Variants in NAV2 observed in about 807,000 individuals in gnomAD.
The protein encoded by NAV2 is neuron navigator 2, also known as helicase, APC down-regulated 1.
In NAV2, 54 loss-of-function variants were observed where a neutral mutation model predicts 223.2. That is an observed-to-expected ratio of 0.24 (90% CI 0.19 to 0.30). The LOEUF is 0.30. Ranked by LOEUF, NAV2 falls within the 10% of genes least tolerant of loss-of-function variation. The pLI is 1.00. For missense variants in NAV2, 2,806 were observed against 3,147.5 expected (o/e 0.89, Z 2.60); for synonymous variants, 1,279 against 1,239.3 (o/e 1.03, Z -0.67).
chr11:19,853,714 T>C (rs1375942336), intron 3 of NAV2, among the ~76,000 whole-genome samples: 2 of 152,074 alleles, frequency 1.3e-5, no homozygotes, highest in Non-Finnish European at 2.9e-5. Flanking sequence ...GAGTTTGAGA[T>C]GCCTTCTCTA....
chr11:19,436,274 AT>A (rs1438874544), intron 1 of NAV2, among the ~76,000 whole-genome samples: 1 of 152,162 alleles, frequency 6.6e-6, no homozygotes, highest in Non-Finnish European at 1.5e-5. Flanking sequence ...CAAGAATTTA[AT>A]TTCATTATTC....
chr11:19,536,949 C>A (rs1050548243), intron 1 of NAV2, among the ~76,000 whole-genome samples: 2 of 152,158 alleles, frequency 1.3e-5, no homozygotes, highest in African/African-American at 4.8e-5. Flanking sequence ...AGCATGGTAA[C>A]TGGTTATTTA....
intron 1 of NAV2, among the ~76,000 whole-genome samples, chr11:19,421,138 T>A (rs1014853772): frequency 3.9e-5 from 6 of 152,214 alleles, no homozygotes; most frequent in Admixed American, 1.3e-4. Context: ...TGCCTTTCCC[T>A]TCTCTCCATC....
chr11:19,846,998 G>A (rs1426734363), intron 3 of NAV2, among the ~76,000 whole-genome samples: 1 of 152,122 alleles, frequency 6.6e-6, no homozygotes, highest in African/African-American at 2.4e-5. Flanking sequence ...CATCCCCTTG[G>A]CCCTTAAATA....
At chr11:19,942,841 G>A (rs2046515107) in intron 8 of NAV2, among the ~76,000 whole-genome samples, 1 of 152,150 alleles carries the variant, frequency 6.6e-6, no homozygotes, top group Admixed American at 6.5e-5. Context: ...AAATTAGCCA[G>A]GCATGGTGGT....
intron 1 of NAV2, among the ~76,000 whole-genome samples, chr11:19,761,365 T>C (rs1158446803): frequency 4.6e-5 from 7 of 152,222 alleles, no homozygotes; most frequent in Non-Finnish European, 8.8e-5. Flanking sequence ...AATAAGTTTA[T>C]TTCAGTGAGC....
intron 1 of NAV2, among the ~76,000 whole-genome samples, chr11:19,369,903 A>G (rs925174652): frequency 6.6e-6 from 1 of 152,184 alleles, no homozygotes; most frequent in Non-Finnish European, 1.5e-5. Flanking sequence ...CTTTTGAATC[A>G]AGTGGCTCTA....
intron 1 of NAV2, among the ~76,000 whole-genome samples, chr11:19,440,618 G>T (rs980910950): frequency 6.6e-6 from 1 of 152,208 alleles, no homozygotes; most frequent in Admixed American, 6.5e-5. Flanking sequence ...AGTACTGACT[G>T]TGTTAGGTTA....
chr11:20,070,012 T>A (rs890091606), intron 22 of NAV2, among the ~76,000 whole-genome samples: 3 of 152,180 alleles, frequency 2.0e-5, no homozygotes, highest in Admixed American at 2.0e-4. Flanking sequence ...TTGATTTTTT[T>A]AAAAACCCTA....
intron 1 of NAV2, among the ~76,000 whole-genome samples, chr11:19,480,512 C>T (rs891452850): frequency 1.3e-5 from 2 of 152,186 alleles, no homozygotes; most frequent in South Asian, 2.1e-4. Flanking sequence ...TGGTGGGAGC[C>T]GGTGCAGCCT....
intron 1 of NAV2, among the ~76,000 whole-genome samples, chr11:19,410,122 G>A (rs546575947): frequency 2.0e-5 from 3 of 152,164 alleles, no homozygotes; most frequent in Admixed American, 6.5e-5. Flanking sequence ...CCTGCTTCAG[G>A]GGGGCAGACA....
chr11:19,370,570 C>T (rs532965068), intron 1 of NAV2, among the ~76,000 whole-genome samples: 1 of 152,328 alleles, frequency 6.6e-6, no homozygotes, highest in Non-Finnish European at 1.5e-5. Context: ...ACAATTACAA[C>T]ATGGAATGGA....
At chr11:19,847,015 C>T (rs568362966) in intron 3 of NAV2, among the ~76,000 whole-genome samples, 5 of 152,174 alleles carry the variant, frequency 3.3e-5, no homozygotes, top group Non-Finnish European at 5.9e-5. Flanking sequence ...AATAAGTTTG[C>T]GTGTGTGCGT....
rs527635968 is a variant in NAV2 at position 19,575,652 on chromosome 11, T to G, written c.75+224625T>G. 1.5e-4 allele frequency among the ~76,000 whole-genome samples: 23 copies of G among 152,356 alleles called. No individual in the cohort carries two copies. The South Asian group carries it at 4.8e-3, about 32-fold the overall frequency. ...ATTCACCTTTTCTTCCCCATTCTTC[T>G]AGTTTCTCTTTGCACATAAGCCCTT... On this transcript the variant is annotated intron_variant, in intron 1 of 37. Coordinates refer to the NAV2 transcript ENST00000360655.
chr11:19,553,716 G>A (rs573730190), intron 1 of NAV2, among the ~76,000 whole-genome samples: 10 of 152,246 alleles, frequency 6.6e-5, no homozygotes, highest in Admixed American at 3.3e-4. Context: ...TGGCATTGCC[G>A]AGATTGAATC....
chr11:19,784,464 G>A (rs2056967472), intron 1 of NAV2, among the ~76,000 whole-genome samples: 1 of 140,254 alleles, frequency 7.1e-6, no homozygotes, highest in Non-Finnish European at 1.5e-5. Context: ...AATAATAATA[G>A]TAATTATTAT....
chr11:19,477,197 T>A (rs78585094), intron 1 of NAV2, among the ~76,000 whole-genome samples: 199 of 152,306 alleles, frequency 1.3e-3, no homozygotes, highest in African/African-American at 4.3e-3. Flanking sequence ...TAAGCATTGA[T>A]GAGGGTATTG....
rs142531711 is a variant in NAV2, at chr11:19,441,226, C to G, written c.75+90199C>G. 1.4e-4 allele frequency among the ~76,000 whole-genome samples: 22 copies of G among 152,246 alleles called. No individual in the cohort carries two copies. The East Asian group carries it at 4.1e-3, about 28-fold the overall frequency. On this transcript the variant is annotated intron_variant, in intron 1 of 37. Transcript: ENST00000360655. Reference sequence around the variant, plus strand: ...AGTGTGGCTGGACCCTGGGGATCATCTAGGAGAATGGCTGGAGATGGATGG... The same window carrying G: ...AGTGTGGCTGGACCCTGGGGATCATGTAGGAGAATGGCTGGAGATGGATGG...
At chr11:20,030,812 G>A (rs2055646176) in intron 11 of NAV2, among the ~76,000 whole-genome samples, 2 of 152,142 alleles carry the variant, frequency 1.3e-5, no homozygotes. Context: ...CAGCTTAAAA[G>A]TCTCAAGTAA....
Sources: allele counts gnomAD v4.1 joint callset (sites outside exome capture counted in the v4.1 genomes callset), GRCh38; gene constraint gnomAD v4.1.1; transcripts MANE v1.5; gene names NCBI Gene and HGNC (gene_info 2026-07-23, HGNC 2026-07-21).